PRKCI: variants seen among roughly 807,000 people sequenced by gnomAD.
PRKCI encodes the protein protein kinase C iota type.
A neutral mutation model predicts 84.0 loss-of-function variants in PRKCI; 43 were observed. The observed-to-expected ratio is 0.51, with a 90% CI of 0.40 to 0.66. The LOEUF (loss-of-function observed/expected upper bound fraction) is 0.66. Among genes scored for constraint, PRKCI ranks in the 30% least tolerant of loss-of-function variants. The probability of loss-of-function intolerance (pLI) is 0.00; values close to 1 mark genes in which losing one functional copy is unlikely to be tolerated. For synonymous variants in PRKCI, 216 were observed against 234.4 expected, an observed-to-expected ratio of 0.92 and a Z score of 0.72; for missense variants, 459 against 745.6, an observed-to-expected ratio of 0.62 and a Z score of 4.48.
At position 170,285,578 on chromosome 3, in the gene PRKCI, T is replaced by C. The variant is rs563604456; in HGVS notation, c.1203+982T>C. On this transcript the variant is annotated intron_variant, in intron 12 of 17. Coordinates refer to ENST00000295797, the MANE Select transcript of PRKCI (RefSeq NM_002740.6). ...GGGAAGTGCCTCCAGAGCCTGGAGA[T>C]TATCTAAATGCTAACAACATGGCAT... 6.6e-5 allele frequency among the ~76,000 whole-genome samples: 10 copies of C among 152,250 alleles called. 1 individual carries two copies. The South Asian group carries it at 8.3e-4, about 13-fold the overall frequency.
chr3:170,235,166 A>G (rs1361883751), intron 1 of PRKCI, 64 bp from the exon 2 acceptor site: 17 of 1,501,264 alleles, frequency 1.1e-5, no homozygotes, highest in Non-Finnish European at 1.4e-5. Flanking sequence ...TCAAGCATTC[A>G]GTAATATATA....
chr3:170,298,894 A>G (rs1208045363), intron 16 of PRKCI, 101 bp from the exon 17 acceptor site: 3 of 735,564 alleles, frequency 4.1e-6, no homozygotes, highest in Non-Finnish European at 7.1e-6. Context: ...ATGCTTCAGG[A>G]CTCACTTTAA....
intron 2 of PRKCI, among the ~76,000 whole-genome samples, chr3:170,259,239 C>T (rs765370319): frequency 6.6e-5 from 10 of 152,120 alleles, no homozygotes; most frequent in Non-Finnish European, 1.5e-4. Flanking sequence ...GGTGTGGTGG[C>T]TCATGCCCAT....
rs530507009 is a variant in PRKCI, at chr3:170,298,483, C to A, written c.1588-512C>A. Reference sequence around the variant, plus strand: ...GTAGTGGCACAATCTCAGCTCACTGCAACCTTCGCCACCTGGGTTCAAGCG... The same window carrying A: ...GTAGTGGCACAATCTCAGCTCACTGAAACCTTCGCCACCTGGGTTCAAGCG... On this transcript the variant is annotated intron_variant, in intron 16 of 17. Transcript: ENST00000295797. Among the ~76,000 whole-genome samples the A allele has an allele frequency of 2.0e-5, 3 of 151,176 alleles. No homozygotes were observed. In the South Asian group the frequency reaches 6.3e-4, roughly 32 times the overall value.
At chr3:170,254,032 G>A (rs1733520869) in intron 2 of PRKCI, among the ~76,000 whole-genome samples, 1 of 151,690 alleles carries the variant, frequency 6.6e-6, no homozygotes, top group South Asian at 2.1e-4. Flanking sequence ...AGGAGGCAGA[G>A]GTTGCAGTGA....
rs386398519 is a variant in PRKCI at position 170,234,031 on chromosome 3, C to CTTTTTTTTT, written c.102-1188_102-1180dup. ...CCACCACACCCAGCCTATACTTACA[C>CTTTTTTTTT]TTTTTTTTTTTTTTTTTTTGAGATG... On this transcript the variant is annotated intron_variant, in intron 1 of 17. Coordinates refer to ENST00000295797, the MANE Select transcript of PRKCI (RefSeq NM_002740.6). Among the ~76,000 whole-genome samples, 5 of 93,336 alleles carry CTTTTTTTTT rather than the reference C, an allele frequency of 5.4e-5. 1 individual carries two copies. Among genetic ancestry groups the CTTTTTTTTT allele is most frequent in the Admixed American group, 1.5e-4 (1 of 6,692 alleles). The allele number at this position is 93,336 out of a possible 152,430, so 61.2% of individuals were successfully genotyped here.
chr3:170,247,730 CAAAAAAAAAAAA>C (rs72411481), intron 2 of PRKCI, among the ~76,000 whole-genome samples: 40 of 27,906 alleles, frequency 1.4e-3, no homozygotes, highest in South Asian at 9.9e-3. Context: ...AACTCTGTCT[CAAAAAAAAAAAA>C]AAAAAAAAAA....
chr3:170,245,011 G>A (rs1733237434), intron 2 of PRKCI: 1 of 152,116 alleles, frequency 6.6e-6, no homozygotes, highest in South Asian at 2.1e-4. Flanking sequence ...GGAAGGATCT[G>A]TTCAGGTGTG....
chr3:170,233,357 C>T (rs146801135), intron 1 of PRKCI, among the ~76,000 whole-genome samples: 20 of 152,006 alleles, frequency 1.3e-4, no homozygotes, highest in Middle Eastern at 3.4e-3. Flanking sequence ...TAAAAAAATT[C>T]AGCTAAAACC....
At chr3:170,257,701 G>A (rs1733618916) in intron 2 of PRKCI, among the ~76,000 whole-genome samples, 1 of 138,146 alleles carries the variant, frequency 7.2e-6, no homozygotes, top group Non-Finnish European at 1.5e-5. Flanking sequence ...TCTCGCTCTT[G>A]TTGCCCAGGC....
chr3:170,224,860 T>G (rs1732588955), intron 1 of PRKCI, among the ~76,000 whole-genome samples: 1 of 152,242 alleles, frequency 6.6e-6, no homozygotes, highest in Admixed American at 6.5e-5. Flanking sequence ...ATTGAGATCA[T>G]CTTCTCCAAT....
intron 2 of PRKCI, among the ~76,000 whole-genome samples, chr3:170,249,939 T>G (rs1417675866): frequency 1.3e-5 from 2 of 152,176 alleles, no homozygotes; most frequent in African/African-American, 4.8e-5. Flanking sequence ...ACTTTGCTCC[T>G]GGACTAGAAT....
intron 2 of PRKCI, among the ~76,000 whole-genome samples, chr3:170,250,271 T>TG (rs1553838793): frequency 8.3e-6 from 1 of 119,784 alleles, no homozygotes; most frequent in East Asian, 2.2e-4. Flanking sequence ...AGACTTGGTC[T>TG]GAAAAAAAAA....
At chr3:170,299,174 A>G (rs1436451591) in intron 17 of PRKCI, 64 bp downstream of exon 17, 3 of 866,636 alleles carry the variant, frequency 3.5e-6, no homozygotes, top group Non-Finnish European at 5.3e-6. Flanking sequence ...TTTAGTGACT[A>G]TGCAATGTTT....
In PRKCI at chr3:170,230,365, C is replaced by G. The variant is rs111496502; in HGVS notation, c.102-4865C>G. ...TTGTTTTTTGAGACAAGGTCTTGCT[C>G]AGTCGCCCAGGCTGGAGTGCAGTGG... On this transcript the variant is annotated intron_variant, in intron 1 of 17. Transcript: ENST00000295797. Among the ~76,000 whole-genome samples the G allele has an allele frequency of 5.3e-3, 810 of 152,164 alleles. 8 individuals carry two copies. The highest frequency in any genetic ancestry group is 0.018 in the African/African-American group (757 of 41,516).
At chr3:170,294,957 C>A (rs1334381992) in intron 14 of PRKCI, among the ~76,000 whole-genome samples, 1 of 152,084 alleles carries the variant, frequency 6.6e-6, no homozygotes, top group African/African-American at 2.4e-5. Flanking sequence ...CATCTGTAAT[C>A]CCAGCACTTT....
chr3:170,259,852 T>C (rs933380674), intron 2 of PRKCI, 117 bp from the exon 3 acceptor site: 25 of 484,532 alleles, frequency 5.2e-5, no homozygotes, highest in Non-Finnish European at 8.4e-5. Flanking sequence ...CCTTGTCATA[T>C]ATTTGTTTAT....
chr3:170,297,412 C>T lies in PRKCI; in HGVS notation c.1587+19C>T. On this transcript the variant is annotated intron_variant, in intron 16 of 17. Coordinates refer to ENST00000295797, the MANE Select transcript of PRKCI (RefSeq NM_002740.6). ...GGATATGGTATGTAAATTTTGATTA[C>T]TCAACTATTAGGTTTCATTATTATC... The T allele has an allele frequency of 6.4e-7, 1 of 1,573,196 alleles. No homozygotes were observed. The highest frequency in any genetic ancestry group is 8.7e-7 in the Non-Finnish European group (1 of 1,146,736).
At chr3:170,270,322 C>A in intron 5 of PRKCI, 99 bp from the exon 6 acceptor site, 1 of 1,189,728 alleles carries the variant, frequency 8.4e-7, no homozygotes, top group Non-Finnish European at 1.1e-6. Flanking sequence ...TGTGGGCTGA[C>A]AGTTGACACC....
Sources: gnomAD v4.1 joint callset for allele counts (sites outside exome capture counted in the v4.1 genomes callset) on GRCh38, gnomAD v4.1.1 for gene constraint, MANE v1.5 for transcripts, NCBI Gene and HGNC (gene_info 2026-07-23, HGNC 2026-07-21) for gene names.